NPLOC4: variants seen among roughly 807,000 people sequenced by gnomAD.
NPLOC4 encodes NPL4 homolog, ubiquitin recognition factor, also known as nuclear protein localization protein 4 homolog.
In NPLOC4, 18 loss-of-function variants were observed where a neutral mutation model predicts 80.6. The ratio of observed to expected loss-of-function variants is 0.22; its 90% CI spans 0.15 to 0.33. NPLOC4 has a LOEUF of 0.33. Among genes scored for constraint, NPLOC4 ranks in the 10% least tolerant of loss-of-function variants. NPLOC4 has a pLI of 1.00. For missense variants in NPLOC4, 540 were observed against 786.1 expected (o/e 0.69, Z 3.74); for synonymous variants, 313 against 301.5 (o/e 1.04, Z -0.39).
At chr17:81,610,084 T>A in intron 5 of NPLOC4, 126 bp downstream of exon 5, 2 of 758,100 alleles carry the variant, frequency 2.6e-6, no homozygotes, top group Non-Finnish European at 4.4e-6. Flanking sequence ...CCCAGGGCAA[T>A]AAATAGGTAA....
intron 11 of NPLOC4, among the ~76,000 whole-genome samples, chr17:81,589,430 G>T (rs1020047265): frequency 1.3e-5 from 2 of 151,982 alleles, no homozygotes; most frequent in Non-Finnish European, 2.9e-5. Context: ...TCAGGAGGCT[G>T]AGGCAGGAGA....
chr17:81,571,159 G>A (rs2144055644), intron 13 of NPLOC4, among the ~76,000 whole-genome samples: 1 of 152,260 alleles, frequency 6.6e-6, no homozygotes, highest in East Asian at 1.9e-4. Context: ...GGCTCGTGGG[G>A]ACCTGCTGTT....
At chr17:81,597,099 CA>C in intron 10 of NPLOC4, 145 bp downstream of exon 10, 1 of 593,924 alleles carries the variant, frequency 1.7e-6, no homozygotes, top group Non-Finnish European at 2.9e-6. Context: ...GGCAAAAGAG[CA>C]AGACTCCGTC....
Position 81,559,424 on chromosome 17 carries a change from G to A in NPLOC4, c.1670-8C>T, listed in dbSNP as rs368492583. On this transcript the variant is annotated splice_polypyrimidine_tract_variant and splice_region_variant and intron_variant, in intron 16 of 16. Transcript: ENST00000331134. ...GCTGCCCGCCAACTGTGCCTGCAGG[G>A]TGGAAGAGAAATGAGCACTCATCAT... 98 of 1,606,976 alleles carry A rather than the reference G, an allele frequency of 6.1e-5. No individual in the cohort carries two copies. Among genetic ancestry groups the A allele is most frequent in the Non-Finnish European group, 7.9e-5 (93 of 1,176,828 alleles).
chr17:81,607,166 T>C (rs1376162581), intron 6 of NPLOC4, among the ~76,000 whole-genome samples: 1 of 152,218 alleles, frequency 6.6e-6, no homozygotes, highest in Non-Finnish European at 1.5e-5. Context: ...GGCATGAGGC[T>C]CCTACAGGTT....
chr17:81,557,842 T>G lies in NPLOC4; in HGVS notation c.*1417A>C, dbSNP rs1413260216. ...TGAGCTGCTTGGGCCTTCCACTTGG[T>G]GTCCCATGCCAGGCGGACCTGGAGG... On this transcript the variant is annotated 3_prime_UTR_variant, in exon 17 of 17. Transcript: ENST00000331134. 1 of 152,266 alleles carries G rather than the reference T, an allele frequency of 6.6e-6. No homozygotes were observed. The highest frequency in any genetic ancestry group is 1.5e-5 in the Non-Finnish European group (1 of 68,102). The allele number at this position is 152,266 out of a possible 1,614,324, so 9.4% of individuals were successfully genotyped here.
At chr17:81,608,879 C>CT (rs2035272874) in intron 5 of NPLOC4, 57 bp from the exon 6 acceptor site, 1 of 1,390,118 alleles carries the variant, frequency 7.2e-7, no homozygotes, top group African/African-American at 1.4e-5. Flanking sequence ...ACTCCAGGCG[C>CT]TGAGCCTCTG....
intron 16 of NPLOC4, chr17:81,563,706 A>G (rs1327197309): frequency 9.8e-6 from 3 of 305,684 alleles, no homozygotes; most frequent in African/African-American, 6.9e-5. Context: ...GCTTGAGGCC[A>G]AAGTTTGAGA....
At chr17:81,565,436 A>C in intron 16 of NPLOC4, 69 bp downstream of exon 16, 2 of 1,274,878 alleles carry the variant, frequency 1.6e-6, no homozygotes, top group Non-Finnish European at 2.2e-6. Flanking sequence ...GGCAGTGGGG[A>C]GCTGTGCAGA....
chr17:81,569,847 G>A (rs1387716914), intron 13 of NPLOC4, among the ~76,000 whole-genome samples: 1 of 152,188 alleles, frequency 6.6e-6, no homozygotes, highest in East Asian at 1.9e-4. Flanking sequence ...AGGGACAGTG[G>A]TAAATGTGCA....
At chr17:81,581,351 A>G (rs1351824094) in intron 12 of NPLOC4, among the ~76,000 whole-genome samples, 34 of 62,384 alleles carry the variant, frequency 5.5e-4, no homozygotes, top group African/African-American at 1.5e-3. Flanking sequence ...TCCAACGCAA[A>G]AAAAAAAAAA....
chr17:81,631,437 T>TATATATATA (rs200897859), intron 1 of NPLOC4, among the ~76,000 whole-genome samples: 1,769 of 42,284 alleles, frequency 0.042, 29 homozygotes, highest in East Asian at 0.11. Context: ...TATATATATA[T>TATATATATA]TTTTTTTTTT....
At chr17:81,607,296 C>G (rs1440212825) in intron 6 of NPLOC4, among the ~76,000 whole-genome samples, 1 of 151,126 alleles carries the variant, frequency 6.6e-6, no homozygotes, top group Non-Finnish European at 1.5e-5. Flanking sequence ...CTGCTTTAGG[C>G]TAAAATAAAA....
At position 81,580,597 on chromosome 17, in the gene NPLOC4, G is replaced by C. The variant is rs896188821; in HGVS notation, c.1281+8347C>G. ...GCCTCTGTCTGAACAATCTCCTCCA[G>C]ACACCCCCAGAGCTGCTCTGCCAAT... is the stretch of plus-strand genomic sequence containing the variant. On this transcript the variant is annotated intron_variant, in intron 12 of 16. Transcript: ENST00000331134. The surrounding 1 kb of genome is among the most constrained non-coding windows in gnomAD (Gnocchi z 4.4). Among the ~76,000 whole-genome samples the C allele has an allele frequency of 2.6e-5, 4 of 151,982 alleles. No individual in the cohort carries two copies. The highest frequency in any genetic ancestry group is 9.7e-5 in the African/African-American group (4 of 41,380).
intron 11 of NPLOC4, among the ~76,000 whole-genome samples, chr17:81,591,447 G>GAAAAAAGAA (rs2034737901): frequency 2.6e-5 from 2 of 76,326 alleles, no homozygotes; most frequent in African/African-American, 5.1e-5. Flanking sequence ...GAGTAAAACA[G>GAAAAAAGAA]AAAAAAAAAA....
At chr17:81,578,057 GC>G (rs546020065) in intron 12 of NPLOC4, among the ~76,000 whole-genome samples, 68 of 152,226 alleles carry the variant, frequency 4.5e-4, no homozygotes, top group African/African-American at 1.6e-3. Context: ...CTCTAAACTT[GC>G]TGCCTTCTCC....
intron 12 of NPLOC4, among the ~76,000 whole-genome samples, chr17:81,582,923 G>C (rs535025349): frequency 6.6e-6 from 1 of 152,212 alleles, no homozygotes; most frequent in Non-Finnish European, 1.5e-5. Flanking sequence ...CTCCCGATTC[G>C]AAGAAACACA....
intron 11 of NPLOC4, among the ~76,000 whole-genome samples, chr17:81,595,020 C>T (rs145392377): frequency 6.6e-6 from 1 of 151,916 alleles, no homozygotes; most frequent in East Asian, 1.9e-4. Context: ...AAAAACTTCG[C>T]AGTCAGCTTG....
Position 81,622,232 on chromosome 17 carries a change from A to C in NPLOC4, c.143T>G (p.Ile48Ser), listed in dbSNP as rs758955791. The C allele has an allele frequency of 6.2e-7, 1 of 1,613,934 alleles. No homozygotes were observed. Among genetic ancestry groups the C allele is most frequent in the Non-Finnish European group, 8.5e-7 (1 of 1,179,838 alleles). ...GFQNNGFSVY[I>S]NRNKTGEITA... The stretch of plus-strand genomic sequence containing the variant: ...TATCTCTCCGGTCTTGTTTCTATTG[A>C]TGTAAACCGAGAAGCCATTATTTTG... Residue 48 changes from isoleucine (I) to serine (S), a missense_variant, in exon 3 of 17, where the codon ATC (isoleucine) becomes AGC (serine). Around this residue, in one of 6 missense-constraint regions of NPLOC4, gnomAD observed 62 missense variants for 84.4 expected, o/e 0.73. Transcript: ENST00000331134.
Sources: gnomAD v4.1 joint callset for allele counts (sites outside exome capture counted in the v4.1 genomes callset) on GRCh38, gnomAD v4.1.1 for gene constraint, gnomAD v4.1.1 regional missense constraint, Gnocchi (gnomAD v3.1) non-coding constraint, MANE v1.5 for transcripts, NCBI Gene and HGNC (gene_info 2026-07-23, HGNC 2026-07-21) for gene names.